The following AMZ2 variants were observed in gnomAD, a reference collection of about 807,000 sequenced individuals.
AMZ2 encodes the protein archaemetzincin-2.
In AMZ2, 26 loss-of-function variants were observed where a neutral mutation model predicts 36.7. The ratio of observed to expected loss-of-function variants is 0.71; its 90% CI spans 0.52 to 0.98. The LOEUF (loss-of-function observed/expected upper bound fraction) is 0.98. Among genes scored for constraint, AMZ2 ranks in the 50% least tolerant of loss-of-function variants. AMZ2 has a pLI of 0.00. For missense variants in AMZ2, 394 were observed against 430.5 expected (o/e 0.92, Z 0.75); for synonymous variants, 144 against 149.1 (o/e 0.97, Z 0.25).
chr17:68,213,958 T>A (rs1555726654), intron 1 of AMZ2, among the ~76,000 whole-genome samples: 1 of 151,888 alleles, frequency 6.6e-6, no homozygotes, highest in Non-Finnish European at 1.5e-5. Flanking sequence ...AATCTTCCTT[T>A]AAAAAAATTA....
chr17:68,243,678 A>C (rs2073948256), upstream of AMZ2, among the ~76,000 whole-genome samples: 1 of 152,216 alleles, frequency 6.6e-6, no homozygotes, highest in Admixed American at 6.5e-5. Context: ...CAGGTTGTTC[A>C]CCAGAAAGAT....
At chr17:68,241,884 T>A (rs1438293131) in intron 1 of AMZ2, among the ~76,000 whole-genome samples, 1 of 150,060 alleles carries the variant, frequency 6.7e-6, no homozygotes, top group African/African-American at 2.4e-5. Context: ...CCACCACACC[T>A]GGCTAATTTT....
intron 1 of AMZ2, chr17:68,206,938 C>T (rs3760274): frequency 6.5e-6 from 1 of 152,952 alleles, no homozygotes. Flanking sequence ...ACAAGACCCA[C>T]CCAACTTTGG....
At chr17:68,213,920 T>TA in intron 1 of AMZ2, among the ~76,000 whole-genome samples, 1 of 151,948 alleles carries the variant, frequency 6.6e-6, no homozygotes. Context: ...ACCATATTTT[T>TA]ATTATCTAAG....
At chr17:68,245,797 G>C (rs1401890748), upstream of AMZ2, among the ~76,000 whole-genome samples, 6 of 152,206 alleles carry the variant, frequency 3.9e-5, no homozygotes, top group East Asian at 1.2e-3. Context: ...GTAAGAAATA[G>C]GTTACAATCA....
upstream of AMZ2, chr17:68,247,828 G>C (rs545260190): frequency 1.5e-5 from 15 of 985,538 alleles, no homozygotes; most frequent in Admixed American, 5.5e-4. Context: ...CTGCGGGGGT[G>C]GACAGCTGGG....
In AMZ2 at chr17:68,215,050, C is replaced by T. The variant is rs1448168232; in HGVS notation, c.-67+8812C>T. ...CTGCCCTCCTCGGCCTCTCAAAGTG[C>T]TGGGATTATAGGCGTGAGCCACTGC... is the stretch of plus-strand genomic sequence containing the variant. On this transcript the variant is annotated intron_variant, in intron 1 of 7. Coordinates refer to the AMZ2 transcript ENST00000674770. 3.3e-5 allele frequency among the ~76,000 whole-genome samples: 5 copies of T among 152,302 alleles called. No homozygotes were observed. In the East Asian group the frequency reaches 9.7e-4, roughly 29 times the overall value.
chr17:68,210,968 G>A (rs1482524151), intron 1 of AMZ2, among the ~76,000 whole-genome samples: 1 of 138,672 alleles, frequency 7.2e-6, no homozygotes, highest in Non-Finnish European at 1.6e-5. Flanking sequence ...GGGGGGGGGG[G>A]AGGTGGTTAG....
At chr17:68,245,687 A>G (rs1470781682), upstream of AMZ2, among the ~76,000 whole-genome samples, 2 of 152,228 alleles carry the variant, frequency 1.3e-5, no homozygotes, top group East Asian at 1.9e-4. Flanking sequence ...ATGAATACCA[A>G]AAAACTGACT....
intron 1 of AMZ2, among the ~76,000 whole-genome samples, chr17:68,225,747 C>G (rs2144570674): frequency 6.6e-6 from 1 of 152,168 alleles, no homozygotes; most frequent in South Asian, 2.1e-4. Context: ...CTCAGCCTCC[C>G]AAGTAGCTGG....
At chr17:68,208,161 C>T (rs1352355490) in intron 1 of AMZ2, among the ~76,000 whole-genome samples, 1 of 152,216 alleles carries the variant, frequency 6.6e-6, no homozygotes, top group African/African-American at 2.4e-5. Context: ...CCCCACGGCG[C>T]CCAGTCCCAT....
At chr17:68,213,265 A>G (rs775414911) in intron 1 of AMZ2, among the ~76,000 whole-genome samples, 3 of 152,234 alleles carry the variant, frequency 2.0e-5, no homozygotes, top group East Asian at 3.8e-4. Context: ...TGGCCTCTTC[A>G]TAAGGAAATC....
chr17:68,250,965 C>T lies in AMZ2; in HGVS notation c.455C>T (p.Ala152Val), dbSNP rs1568378022. The change falls in exon 3 of 7, where the codon GCA becomes GTA. Residue 152 changes from alanine to valine, a missense_variant and splice_region_variant. Transcript: ENST00000359904. The stretch of plus-strand genomic sequence containing the variant: ...AACACACACAACCTACAAATTCATG[C>T]AGGTGAATTACACGACTTTGCAATT... ...NENTHNLQIHAGDILKFLKKK... is the reference protein window; with the variant it reads ...NENTHNLQIHVGDILKFLKKK... The T allele has an allele frequency of 6.2e-7, 1 of 1,612,068 alleles. No homozygotes were observed. The highest frequency in any genetic ancestry group is 1.7e-5 in the Admixed American group (1 of 59,464).
At chr17:68,212,983 C>T (rs2073105304) in intron 1 of AMZ2, among the ~76,000 whole-genome samples, 1 of 152,270 alleles carries the variant, frequency 6.6e-6, no homozygotes, top group Admixed American at 6.5e-5. Context: ...TTAATCAAAT[C>T]TTCAGGAACC....
At chr17:68,210,892 T>A (rs2073024381) in intron 1 of AMZ2, among the ~76,000 whole-genome samples, 1 of 138,474 alleles carries the variant, frequency 7.2e-6, no homozygotes, top group Non-Finnish European at 1.5e-5. Flanking sequence ...GAGGCTGCAC[T>A]GAGCTGTGTT....
intron 1 of AMZ2, among the ~76,000 whole-genome samples, chr17:68,230,418 T>G (rs2073631059): frequency 1.3e-5 from 2 of 152,350 alleles, no homozygotes; most frequent in South Asian, 4.1e-4. Context: ...AGCCCCTCCA[T>G]GCGTGCCCCT....
intron 1 of AMZ2, among the ~76,000 whole-genome samples, chr17:68,220,943 C>T (rs565577300): frequency 2.1e-4 from 32 of 151,854 alleles, no homozygotes; most frequent in Middle Eastern, 3.4e-3. Context: ...CCTCCACGCC[C>T]GGCTAATTTT....
intron 1 of AMZ2, among the ~76,000 whole-genome samples, chr17:68,240,424 CAAAAG>C (rs1415462789): frequency 3.3e-5 from 5 of 151,746 alleles, no homozygotes; most frequent in Admixed American, 3.3e-4. Flanking sequence ...AGTAAGTATT[CAAAAG>C]AAAAGATAGA....
At chr17:68,225,025 A>AC (rs1555729550) in intron 1 of AMZ2, among the ~76,000 whole-genome samples, 85 of 146,772 alleles carry the variant, frequency 5.8e-4, no homozygotes, top group Middle Eastern at 6.9e-3. Context: ...TAAAAAAAAA[A>AC]ACACACACAC....
Sources: gnomAD v4.1 joint callset for allele counts (sites outside exome capture counted in the v4.1 genomes callset) on GRCh38, gnomAD v4.1.1 for gene constraint, MANE v1.5 for transcripts, NCBI Gene and HGNC (gene_info 2026-07-23, HGNC 2026-07-21) for gene names.